Variants in RAB30 observed in about 807,000 individuals in gnomAD.
RAB30 encodes the protein RAB30, member RAS oncogene family.
Under a neutral mutation model 25.1 loss-of-function variants are expected in RAB30, and 9 were observed. The ratio of observed to expected loss-of-function variants is 0.36; its 90% confidence interval spans 0.22 to 0.63. The LOEUF is 0.63. RAB30 is among the 20% of genes least tolerant of loss of function. The probability of loss-of-function intolerance (pLI) is 0.69; values close to 1 mark genes in which losing one functional copy is unlikely to be tolerated. For missense variants in RAB30, 140 were observed against 243.5 expected, an observed-to-expected ratio of 0.58 and a Z score of 2.83; for synonymous variants, 77 against 86.4, an observed-to-expected ratio of 0.89 and a Z score of 0.60.
chr11:82,996,752 G>A (rs1435296982), intron 2 of RAB30, among the ~76,000 whole-genome samples: 2 of 152,106 alleles, frequency 1.3e-5, no homozygotes. Flanking sequence ...TGGCCTATTT[G>A]GTCCTAAATG....
intron 1 of RAB30, among the ~76,000 whole-genome samples, chr11:83,035,916 G>A (rs1047861232): frequency 6.6e-6 from 1 of 152,162 alleles, no homozygotes; most frequent in African/African-American, 2.4e-5. Context: ...CCATTAATGA[G>A]GCTGAAACTT....
At chr11:83,029,074 A>C (rs12808296) in intron 1 of RAB30, among the ~76,000 whole-genome samples, 85,647 of 151,886 alleles carry the variant, frequency 0.56, 24,598 homozygotes, top group African/African-American at 0.69. Flanking sequence ...AAGTGGTATA[A>C]AAGAAACATC....
chr11:83,005,804 A>G (rs1857172243), intron 1 of RAB30, among the ~76,000 whole-genome samples: 1 of 152,114 alleles, frequency 6.6e-6, no homozygotes, highest in Non-Finnish European at 1.5e-5. Flanking sequence ...ACTGACTGCA[A>G]TATATATTAT....
intron 3 of RAB30, among the ~76,000 whole-genome samples, chr11:82,990,227 A>G (rs1047149554): frequency 6.6e-6 from 1 of 152,214 alleles, no homozygotes; most frequent in African/African-American, 2.4e-5. Flanking sequence ...ATGTACTGCA[A>G]TCATTGGTTT....
chr11:83,030,563 C>T (rs1029718927), intron 1 of RAB30, among the ~76,000 whole-genome samples: 1 of 151,906 alleles, frequency 6.6e-6, no homozygotes, highest in African/African-American at 2.4e-5. Context: ...TTTAGGAGGC[C>T]GAAGTGGGCA....
chr11:83,032,331 T>C (rs1857884266), intron 1 of RAB30, among the ~76,000 whole-genome samples: 1 of 152,156 alleles, frequency 6.6e-6, no homozygotes. Context: ...ACACAGGTGG[T>C]TAAACTGTAC....
chr11:83,012,072 A>T (rs908561873), intron 1 of RAB30, among the ~76,000 whole-genome samples: 5 of 152,250 alleles, frequency 3.3e-5, no homozygotes, highest in Middle Eastern at 3.4e-3. Flanking sequence ...CAAACAAAAG[A>T]GTCCCTCAAC....
chr11:83,049,462 CG>C (rs1178354414), intron 1 of RAB30, among the ~76,000 whole-genome samples: 3 of 120,974 alleles, frequency 2.5e-5, no homozygotes, highest in Non-Finnish European at 3.5e-5. Context: ...GGGGCAGAGG[CG>C]GGGGGTGCAG....
At chr11:82,990,838 T>C (rs1237977992) in intron 3 of RAB30, among the ~76,000 whole-genome samples, 3 of 152,198 alleles carry the variant, frequency 2.0e-5, no homozygotes, top group Non-Finnish European at 4.4e-5. Context: ...TTCAGTGGTC[T>C]ATATATGTTT....
At chr11:83,064,196 C>CT (rs1383368166) in intron 1 of RAB30, among the ~76,000 whole-genome samples, 1 of 152,098 alleles carries the variant, frequency 6.6e-6, no homozygotes, top group East Asian at 1.9e-4. Flanking sequence ...TTAAGGGATC[C>CT]TCCTGCCTCA....
intron 1 of RAB30, among the ~76,000 whole-genome samples, chr11:83,063,182 A>G (rs1242200816): frequency 6.6e-6 from 1 of 152,092 alleles, no homozygotes. Flanking sequence ...CTAAGCTCAC[A>G]CCTGCTTCTC....
intron 1 of RAB30, among the ~76,000 whole-genome samples, chr11:83,021,033 G>A (rs1352864339): frequency 1.3e-5 from 2 of 152,290 alleles, no homozygotes; most frequent in East Asian, 3.9e-4. Flanking sequence ...GGGACAACCT[G>A]CCTGCGGAGA....
At chr11:82,985,714 CTTTTTT>C in intron 4 of RAB30, among the ~76,000 whole-genome samples, 1 of 128,926 alleles carries the variant, frequency 7.8e-6, no homozygotes, top group Non-Finnish European at 1.7e-5. Flanking sequence ...CCTTACTTGG[CTTTTTT>C]TTTTTTTTTT....
intron 1 of RAB30, among the ~76,000 whole-genome samples, chr11:83,051,628 A>G (rs1251482879): frequency 1.3e-5 from 2 of 152,106 alleles, no homozygotes; most frequent in African/African-American, 4.8e-5. Flanking sequence ...AGTCCACGAA[A>G]GACCCTTTTC....
intron 1 of RAB30, among the ~76,000 whole-genome samples, chr11:83,058,668 G>C (rs1033244260): frequency 1.3e-5 from 2 of 152,178 alleles, no homozygotes; most frequent in Non-Finnish European, 2.9e-5. Context: ...TGTCTGCCTT[G>C]TTTCTCCACT....
chr11:83,058,496 T>C (rs1858500591), intron 1 of RAB30, among the ~76,000 whole-genome samples: 1 of 152,258 alleles, frequency 6.6e-6, no homozygotes, highest in East Asian at 1.9e-4. Context: ...AAAAATATTA[T>C]GTAGAATGTT....
intron 4 of RAB30, among the ~76,000 whole-genome samples, chr11:82,983,095 A>G (rs1386386034): frequency 6.6e-6 from 1 of 152,168 alleles, no homozygotes; most frequent in Admixed American, 6.5e-5. Flanking sequence ...AGCATATACA[A>G]TACGCAACTG....
chr11:82,997,455 G>C (rs2121463685), intron 1 of RAB30, 131 bp from the exon 2 acceptor site: 1 of 649,208 alleles, frequency 1.5e-6, no homozygotes, highest in East Asian at 2.8e-5. Flanking sequence ...CTCCCCTCCG[G>C]TGACCCTGCC....
intron 1 of RAB30, among the ~76,000 whole-genome samples, chr11:83,022,551 G>A (rs1857606063): frequency 6.6e-6 from 1 of 152,050 alleles, no homozygotes; most frequent in Admixed American, 6.6e-5. Flanking sequence ...AATGGAGAAA[G>A]GTCTTCCAAT....
Sources: gnomAD v4.1 joint callset for allele counts (sites outside exome capture counted in the v4.1 genomes callset) on GRCh38, gnomAD v4.1.1 for gene constraint, MANE v1.5 for transcripts, NCBI Gene and HGNC (gene_info 2026-07-23, HGNC 2026-07-21) for gene names.